Variants in PTPRT observed in about 807,000 individuals in gnomAD.
The protein encoded by PTPRT is receptor-type tyrosine-protein phosphatase T.
In PTPRT, 56 loss-of-function variants were observed where a neutral mutation model predicts 176.8. The ratio of observed to expected loss-of-function variants is 0.32; its 90% CI spans 0.26 to 0.40. The LOEUF is 0.40. PTPRT is among the 10% of genes least tolerant of loss of function. The pLI is 1.00. For synonymous variants in PTPRT, 783 were observed against 739.0 expected (o/e 1.06, Z -0.96); for missense variants, 1,540 against 1,908.2 (o/e 0.81, Z 3.60).
chr20:42,034,300 G>A, the PTPRT span, among the ~76,000 whole-genome samples: 6 of 152,272 alleles, frequency 3.9e-5, no homozygotes, highest in African/African-American at 1.4e-4. Context: ...GGATGTTGAG[G>A]AGATGCCATC....
intron 1 of PTPRT, among the ~76,000 whole-genome samples, chr20:42,939,347 C>A (rs1208166363): frequency 1.3e-5 from 2 of 152,216 alleles, no homozygotes; most frequent in African/African-American, 4.8e-5. Flanking sequence ...CTCATCACTC[C>A]CGCCATCTCA....
At chr20:42,466,864 G>C (rs528298105) in intron 8 of PTPRT, among the ~76,000 whole-genome samples, 1 of 152,088 alleles carries the variant, frequency 6.6e-6, no homozygotes, top group Non-Finnish European at 1.5e-5. Flanking sequence ...CTGGGGCAGG[G>C]ACATTAAAAG....
intron 1 of PTPRT, among the ~76,000 whole-genome samples, chr20:43,063,849 A>G (rs1341616183): frequency 6.6e-6 from 1 of 152,196 alleles, no homozygotes; most frequent in East Asian, 1.9e-4. Flanking sequence ...CTGAGTTCAC[A>G]TGAAACCAAG....
intron 12 of PTPRT, among the ~76,000 whole-genome samples, chr20:42,292,171 G>T (rs964457567): frequency 6.6e-6 from 1 of 151,990 alleles, no homozygotes; most frequent in Non-Finnish European, 1.5e-5. Context: ...TGACAGCGTT[G>T]GGTCCTTAGT....
rs1166590993 is a variant in PTPRT at position 42,110,469 on chromosome 20, G to A, written c.3118C>T (p.Arg1040Trp). The A allele has an allele frequency of 5.6e-6, 9 of 1,608,252 alleles. No individual in the cohort carries two copies. The highest frequency in any genetic ancestry group is 2.2e-5 in the South Asian group (2 of 90,506). The stretch of plus-strand genomic sequence containing the variant: ...GTGAAGTGGAAGAGGCGGAGCTCCC[G>A]GATCTCATGGTAGCCTTTCTGAGGA... ...TVQKKGYHEI[R>W]ELRLFHFTSW... Residue 1040 changes from arginine to tryptophan, a missense_variant, in exon 23 of 31, where the codon CGG (arginine) becomes TGG (tryptophan). Transcript: ENST00000373187.
intron 6 of PTPRT, among the ~76,000 whole-genome samples, chr20:42,706,329 G>C (rs186967679): frequency 7.9e-5 from 12 of 151,922 alleles, no homozygotes; most frequent in African/African-American, 2.4e-4. Context: ...GCTTCTGTTT[G>C]TTGTTAATCT....
At chr20:42,254,580 T>A (rs2056605585) in intron 13 of PTPRT, among the ~76,000 whole-genome samples, 1 of 152,126 alleles carries the variant, frequency 6.6e-6, no homozygotes, top group South Asian at 2.1e-4. Context: ...GTAGATTTGG[T>A]CCCTTTAATT....
chr20:42,957,588 T>C (rs1319544452), intron 1 of PTPRT, among the ~76,000 whole-genome samples: 3 of 152,186 alleles, frequency 2.0e-5, no homozygotes, highest in African/African-American at 7.2e-5. Context: ...TGACATCAGA[T>C]GCTACCTAAC....
chr20:42,834,599 C>T (rs574100908), intron 2 of PTPRT, among the ~76,000 whole-genome samples: 9 of 152,148 alleles, frequency 5.9e-5, no homozygotes, highest in East Asian at 1.9e-4. Flanking sequence ...ACCAAAAATC[C>T]GAAACAATGC....
chr20:43,054,441 G>C (rs1387850405), intron 1 of PTPRT, among the ~76,000 whole-genome samples: 1 of 151,882 alleles, frequency 6.6e-6, no homozygotes, highest in Non-Finnish European at 1.5e-5. Flanking sequence ...ATAGTCCCAG[G>C]TACTTGGGAG....
At chr20:42,999,782 G>C (rs1275950655) in intron 1 of PTPRT, among the ~76,000 whole-genome samples, 1 of 151,782 alleles carries the variant, frequency 6.6e-6, no homozygotes, top group East Asian at 1.9e-4. Context: ...ACTCCAATCT[G>C]GGCAACAAAG....
chr20:42,643,776 T>C lies in PTPRT; in HGVS notation c.1153+34090A>G, dbSNP rs150800753. On this transcript the variant is annotated intron_variant, in intron 7 of 30. Transcript: ENST00000373187. ...TTTGTGCACACTATAAGAGAGCTCCTCATACCAAGCTGCTTTATACGACTG... is the reference window on the plus strand; with the variant it reads ...TTTGTGCACACTATAAGAGAGCTCCCCATACCAAGCTGCTTTATACGACTG... Among the ~76,000 whole-genome samples, 118 of 152,160 alleles carry C rather than the reference T, an allele frequency of 7.8e-4. 2 individuals carry two copies. The highest frequency in any genetic ancestry group is 1.2e-3 in the Non-Finnish European group (79 of 68,022).
intron 2 of PTPRT, among the ~76,000 whole-genome samples, chr20:42,841,608 A>AAC (rs1328796460): frequency 9.0e-6 from 1 of 111,682 alleles, no homozygotes; most frequent in African/African-American, 3.7e-5. Flanking sequence ...TTTAGTGTTA[A>AAC]ATACACACAC....
At position 42,744,068 on chromosome 20, in the gene PTPRT, T is replaced by G. The variant is rs376578681; in HGVS notation, c.859+12394A>C. ...AGGCCAGGTACAAGGACAGTTCCCA[T>G]GACCAGCTGGGCTGGCTGGGACTGT... On this transcript the variant is annotated intron_variant, in intron 6 of 30. Coordinates refer to ENST00000373187, the MANE Select transcript of PTPRT (RefSeq NM_007050.6). Among the ~76,000 whole-genome samples, 11 of 152,360 alleles carry G rather than the reference T, an allele frequency of 7.2e-5. No individual in the cohort carries two copies. In the East Asian group the frequency reaches 2.1e-3, roughly 29 times the overall value.
chr20:43,067,121 G>A (rs911699624), intron 1 of PTPRT, among the ~76,000 whole-genome samples: 1 of 152,192 alleles, frequency 6.6e-6, no homozygotes, highest in Non-Finnish European at 1.5e-5. Flanking sequence ...TTGTGGCATA[G>A]CCATATGAAA....
chr20:43,083,351 T>TAAACATTTATATATATATAC (rs1555828987), intron 1 of PTPRT, among the ~76,000 whole-genome samples: 1 of 114,318 alleles, frequency 8.7e-6, no homozygotes, highest in African/African-American at 3.4e-5. Flanking sequence ...TATATATATA[T>TAAACATTTATATATATATAC]ATATATATAT....
chr20:42,634,945 T>C (rs2074561607), intron 7 of PTPRT, among the ~76,000 whole-genome samples: 1 of 152,118 alleles, frequency 6.6e-6, no homozygotes, highest in Non-Finnish European at 1.5e-5. Context: ...TTCCATTTCT[T>C]ACTTATCTTT....
intron 2 of PTPRT, among the ~76,000 whole-genome samples, chr20:42,885,025 C>A (rs1333970607): frequency 6.6e-6 from 1 of 151,774 alleles, no homozygotes; most frequent in East Asian, 1.9e-4. Context: ...CACAGGCCTG[C>A]CCCATGCAGG....
intron 1 of PTPRT, among the ~76,000 whole-genome samples, chr20:43,083,349 T>TATATATATACATATATATATAC (rs1568774167): frequency 8.5e-6 from 1 of 117,402 alleles, no homozygotes; most frequent in Non-Finnish European, 1.7e-5. Flanking sequence ...TATATATATA[T>TATATATATACATATATATATAC]ATATATATAT....
Sources: gnomAD v4.1 joint callset for allele counts (sites outside exome capture counted in the v4.1 genomes callset) on GRCh38, gnomAD v4.1.1 for gene constraint, MANE v1.5 for transcripts, NCBI Gene and HGNC (gene_info 2026-07-23, HGNC 2026-07-21) for gene names.